TASP1: variants seen among roughly 807,000 people sequenced by gnomAD.
TASP1 encodes the protein threonine aspartase 1.
TASP1 carries 16 observed loss-of-function variants against 56.6 expected under a neutral mutation model. That is an observed-to-expected ratio of 0.28 (90% CI 0.19 to 0.43). The LOEUF (loss-of-function observed/expected upper bound fraction) is 0.43, where lower values mean the gene tolerates loss of function less well. TASP1 is among the 20% of genes least tolerant of loss of function. TASP1 has a pLI of 1.00. For missense variants in TASP1, 393 were observed against 511.6 expected (o/e 0.77, Z 2.24); for synonymous variants, 179 against 184.2 (o/e 0.97, Z 0.23).
intron 13 of TASP1, among the ~76,000 whole-genome samples, chr20:13,415,045 T>C (rs369668567): frequency 4.6e-5 from 7 of 152,262 alleles, no homozygotes; most frequent in African/African-American, 1.7e-4. Context: ...GGAAGACAAT[T>C]TTTGAAAACA....
At chr20:13,504,464 A>G (rs552055383) in intron 10 of TASP1, among the ~76,000 whole-genome samples, 9 of 152,176 alleles carry the variant, frequency 5.9e-5, no homozygotes, top group Non-Finnish European at 1.2e-4. Flanking sequence ...GAAATGCTAA[A>G]GGGAGTTCTA....
the TASP1 span, among the ~76,000 whole-genome samples, chr20:13,169,960 T>C: frequency 2.0e-5 from 3 of 152,206 alleles, no homozygotes; most frequent in Admixed American, 6.5e-5. Context: ...GTCTTCAGGA[T>C]AACAAAGGCA....
intron 11 of TASP1, among the ~76,000 whole-genome samples, chr20:13,448,962 T>C (rs954923239): frequency 1.3e-5 from 2 of 151,978 alleles, no homozygotes; most frequent in Admixed American, 6.6e-5. Flanking sequence ...ACACCCAGGA[T>C]TGGTATATTT....
intron 2 of TASP1, among the ~76,000 whole-genome samples, chr20:13,629,423 T>C (rs2049010347): frequency 6.6e-6 from 1 of 151,110 alleles, no homozygotes; most frequent in African/African-American, 2.4e-5. Context: ...AATTATGCCC[T>C]AAGATACCCA....
At chr20:13,173,777 T>C in the TASP1 span, among the ~76,000 whole-genome samples, 2 of 152,182 alleles carry the variant, frequency 1.3e-5, no homozygotes, top group Non-Finnish European at 2.9e-5. Flanking sequence ...CAACTGGGGA[T>C]TGGTGTAGGT....
At chr20:13,408,226 A>G (rs1413799049) in intron 13 of TASP1, among the ~76,000 whole-genome samples, 1 of 152,138 alleles carries the variant, frequency 6.6e-6, no homozygotes, top group Non-Finnish European at 1.5e-5. Context: ...ATTTTGAGTT[A>G]GTTTTTATAT....
At chr20:13,292,292 G>A in the TASP1 span, 3 of 832,162 alleles carry the variant, frequency 3.6e-6, no homozygotes, top group South Asian at 3.1e-5. Flanking sequence ...TTGTTCAGGT[G>A]TATTTATTTT....
chr20:13,384,894 C>T (rs1443714262), downstream of TASP1, among the ~76,000 whole-genome samples: 1 of 152,186 alleles, frequency 6.6e-6, no homozygotes, highest in Non-Finnish European at 1.5e-5. Context: ...CACCTCTGTT[C>T]CCTCTGAAGG....
At chr20:13,638,362 TC>T (rs914659127) in intron 1 of TASP1, among the ~76,000 whole-genome samples, 4 of 150,586 alleles carry the variant, frequency 2.7e-5, no homozygotes, top group Non-Finnish European at 3.0e-5. Context: ...GCTCCTGCTT[TC>T]CCCCCCTCCT....
intron 2 of TASP1, among the ~76,000 whole-genome samples, chr20:13,627,011 T>G (rs950763218): frequency 6.6e-6 from 1 of 150,992 alleles, no homozygotes; most frequent in African/African-American, 2.4e-5. Flanking sequence ...TAGGATCTAG[T>G]TAAACTTCAA....
intron 13 of TASP1, among the ~76,000 whole-genome samples, chr20:13,411,948 C>CT (rs1238726825): frequency 6.6e-6 from 1 of 152,206 alleles, no homozygotes; most frequent in Non-Finnish European, 1.5e-5. Flanking sequence ...ATCTCTTTTG[C>CT]TTTAATCCAG....
the TASP1 span, chr20:13,279,652 G>A: frequency 4.7e-4 from 763 of 1,613,654 alleles, 2 homozygotes; most frequent in African/African-American, 8.6e-3. Flanking sequence ...AGAGGTGGTC[G>A]ACGGTCCTGA....
chr20:13,173,416 C>T, the TASP1 span, among the ~76,000 whole-genome samples: 6 of 152,154 alleles, frequency 3.9e-5, no homozygotes, highest in African/African-American at 1.2e-4. Flanking sequence ...TTACTTCTTG[C>T]GTCATGTCTC....
At chr20:13,282,769 G>A in the TASP1 span, among the ~76,000 whole-genome samples, 1 of 152,204 alleles carries the variant, frequency 6.6e-6, no homozygotes, top group Admixed American at 6.5e-5. Flanking sequence ...ATGTGCACAT[G>A]AATAGCCCCG....
downstream of TASP1, among the ~76,000 whole-genome samples, chr20:13,387,551 T>G (rs893758376): frequency 9.8e-5 from 15 of 152,356 alleles, no homozygotes; most frequent in African/African-American, 3.4e-4. Context: ...ATTTTCTTTA[T>G]CTAGTTCACT....
chr20:13,153,153 A>G, the TASP1 span, among the ~76,000 whole-genome samples: 2 of 152,342 alleles, frequency 1.3e-5, no homozygotes, highest in East Asian at 1.9e-4. Flanking sequence ...AGCAAACACT[A>G]TCTAGCTTTG....
chr20:13,154,975 G>A, the TASP1 span, among the ~76,000 whole-genome samples: 14 of 152,224 alleles, frequency 9.2e-5, no homozygotes, highest in Non-Finnish European at 1.8e-4. Flanking sequence ...GAGGTCAGGA[G>A]TTCGAGACCA....
At chr20:13,444,134 AT>A (rs1400293620) in intron 11 of TASP1, among the ~76,000 whole-genome samples, 8 of 152,170 alleles carry the variant, frequency 5.3e-5, no homozygotes, top group African/African-American at 1.9e-4. Context: ...TATTTTCAGT[AT>A]TAGAGATTCA....
chr20:13,219,289 T>A, the TASP1 span, among the ~76,000 whole-genome samples: 1 of 152,154 alleles, frequency 6.6e-6, no homozygotes, highest in Non-Finnish European at 1.5e-5. Flanking sequence ...CCATCTTAAT[T>A]TATACATTCT....
Sources: allele counts gnomAD v4.1 joint callset (sites outside exome capture counted in the v4.1 genomes callset), GRCh38; gene constraint gnomAD v4.1.1; transcripts MANE v1.5; gene names NCBI Gene and HGNC (gene_info 2026-07-23, HGNC 2026-07-21).